Variants in REPS1 observed in about 807,000 individuals in gnomAD.
REPS1 encodes the protein ralBP1-associated Eps domain-containing protein 1.
REPS1 carries 39 observed loss-of-function variants against 100.9 expected under a neutral mutation model. That is an observed-to-expected ratio of 0.39 (90% confidence interval 0.30 to 0.50). The LOEUF is 0.50. Ranked by LOEUF, REPS1 falls within the 20% of genes least tolerant of loss-of-function variation. REPS1 has a pLI of 0.86. For synonymous variants in REPS1, 324 were observed against 340.3 expected, an observed-to-expected ratio of 0.95 and a Z score of 0.53; for missense variants, 821 against 968.5, an observed-to-expected ratio of 0.85 and a Z score of 2.02.
intron 19 of REPS1, among the ~76,000 whole-genome samples, chr6:138,905,588 G>T (rs1779594038): frequency 6.6e-6 from 1 of 152,152 alleles, no homozygotes; most frequent in South Asian, 2.1e-4. Flanking sequence ...ACCGCGCCCG[G>T]CTGAAATGTA....
intron 1 of REPS1, among the ~76,000 whole-genome samples, chr6:138,958,353 C>T (rs549502642): frequency 1.3e-4 from 20 of 152,236 alleles, no homozygotes; most frequent in Non-Finnish European, 2.8e-4. Context: ...TTTTTAAAAC[C>T]ATGAGCAGAA....
intron 9 of REPS1, chr6:138,926,719 G>T (rs1162442176): frequency 9.1e-6 from 4 of 437,680 alleles, no homozygotes; most frequent in Non-Finnish European, 1.7e-5. Flanking sequence ...AATCTCTATG[G>T]AAGAGATTTA....
chr6:138,921,709 C>T (rs146729541), intron 10 of REPS1, among the ~76,000 whole-genome samples: 4,206 of 151,114 alleles, frequency 0.028, 215 homozygotes, highest in African/African-American at 0.096. Flanking sequence ...TCCCAAGTAG[C>T]TGGGATTATA....
chr6:138,933,889 G>A (rs1225136135), intron 8 of REPS1, among the ~76,000 whole-genome samples: 2 of 151,844 alleles, frequency 1.3e-5, no homozygotes, highest in Non-Finnish European at 2.9e-5. Flanking sequence ...GCCTAAAGGG[G>A]TCTTAAGATT....
At chr6:138,938,228 T>C (rs976373967) in intron 8 of REPS1, among the ~76,000 whole-genome samples, 3 of 152,216 alleles carry the variant, frequency 2.0e-5, no homozygotes, top group Admixed American at 2.0e-4. Flanking sequence ...TTAGTAGTTC[T>C]ATTTTATCTA....
intron 1 of REPS1, among the ~76,000 whole-genome samples, chr6:138,959,185 G>A (rs1413728458): frequency 6.6e-6 from 1 of 152,132 alleles, no homozygotes; most frequent in Non-Finnish European, 1.5e-5. Context: ...AGCACATAGT[G>A]ACAGCAAAGA....
chr6:138,954,074 G>A (rs1783218447), intron 1 of REPS1, among the ~76,000 whole-genome samples: 1 of 151,866 alleles, frequency 6.6e-6, no homozygotes, highest in South Asian at 2.1e-4. Context: ...ATTGTGTTAG[G>A]TGAAATAAAA....
chr6:138,918,480 T>C (rs1780554459), intron 12 of REPS1, among the ~76,000 whole-genome samples: 2 of 152,174 alleles, frequency 1.3e-5, no homozygotes, highest in African/African-American at 4.8e-5. Flanking sequence ...ATAACTTACA[T>C]ATGTGCAGAA....
At chr6:138,936,569 G>A (rs1301796174) in intron 8 of REPS1, among the ~76,000 whole-genome samples, 8 of 133,424 alleles carry the variant, frequency 6.0e-5, no homozygotes, top group Non-Finnish European at 1.3e-4. Flanking sequence ...AATGACACAC[G>A]ACAGAGAGAG....
intron 10 of REPS1, among the ~76,000 whole-genome samples, chr6:138,923,549 C>T (rs7743478): frequency 0.15 from 22,574 of 152,166 alleles, 1,770 homozygotes; most frequent in African/African-American, 0.17. Flanking sequence ...CAAAGACTAA[C>T]GCATTACACT....
At position 138,921,104 on chromosome 6, in the gene REPS1, T is replaced by C; in HGVS notation, c.1359A>G (p.Pro453=). The C allele has an allele frequency of 6.2e-7, 1 of 1,609,936 alleles. No homozygotes were observed. The highest frequency in any genetic ancestry group is 1.1e-5 in the South Asian group (1 of 90,750). ...PADPDTAIVH[P]VPIRMTPSKI... is the part of the protein sequence containing the mutation. ...TGCTTGGAGTCATACGAATGGGAAC[T>C]GGATGAACAATAGCAGTATCCTAGA... The change falls in exon 11 of 20, where the codon CCA becomes CCG. Residue 453 remains proline, a synonymous_variant. Coordinates refer to ENST00000450536, the MANE Select transcript of REPS1 (RefSeq NM_001286611.2).
chr6:138,950,919 G>A (rs1362568504), intron 1 of REPS1: 3 of 152,140 alleles, frequency 2.0e-5, no homozygotes, highest in South Asian at 2.1e-4. Flanking sequence ...GGCCGGGCGC[G>A]GCAGCTCACG....
At chr6:138,958,113 C>T (rs1783514943) in intron 1 of REPS1, among the ~76,000 whole-genome samples, 1 of 152,138 alleles carries the variant, frequency 6.6e-6, no homozygotes, top group African/African-American at 2.4e-5. Flanking sequence ...TGAGGGAATA[C>T]AGAGAAGTAA....
rs1779529504 is a variant in REPS1 at position 138,904,828 on chromosome 6, A to G, written c.*236T>C. ...CATATCCCAGATGCTAGGGAACAGA[A>G]AAGGTGGGTGTGCCAACAAACACAA... is the stretch of plus-strand genomic sequence containing the variant. On this transcript the variant is annotated 3_prime_UTR_variant, in exon 20 of 20. Coordinates refer to ENST00000450536, the MANE Select transcript of REPS1 (RefSeq NM_001286611.2). The G allele has an allele frequency of 5.1e-6, 2 of 393,946 alleles. No individual in the cohort carries two copies. The highest frequency in any genetic ancestry group is 9.3e-6 in the Non-Finnish European group (2 of 215,616). The allele number at this position is 393,946 out of a possible 1,614,324, so 24.4% of individuals were successfully genotyped here. A position where few individuals can be genotyped will look rare whatever the true frequency, so the allele number is the denominator to read the frequency against.
chr6:138,954,037 A>T (rs182701433), intron 1 of REPS1, among the ~76,000 whole-genome samples: 1 of 152,306 alleles, frequency 6.6e-6, no homozygotes, highest in African/African-American at 2.4e-5. Context: ...CCTGTCATTC[A>T]TGGCAACATG....
chr6:138,973,840 T>C (rs1784462848), intron 1 of REPS1, among the ~76,000 whole-genome samples: 1 of 152,248 alleles, frequency 6.6e-6, no homozygotes, highest in East Asian at 1.9e-4. Flanking sequence ...TACTATCATT[T>C]GAATTGGCTG....
chr6:138,928,906 G>T lies in REPS1; in HGVS notation c.1257+1071C>A, dbSNP rs139313875. On this transcript the variant is annotated intron_variant, in intron 9 of 19. Transcript: ENST00000450536. ...TTAATGGTTTTGCATCCAATAGTAG[G>T]ATGGATGGTGTGATGTTATAATGTC... 372 of 152,246 alleles carry T rather than the reference G, an allele frequency of 2.4e-3. 1 individual carries two copies. The highest frequency in any genetic ancestry group is 8.5e-3 in the African/African-American group (352 of 41,554). The allele number at this position is 152,246 out of a possible 1,614,324, so 9.4% of individuals were successfully genotyped here.
In REPS1 at chr6:138,904,010, A is replaced by G. The variant is rs1213216728; in HGVS notation, c.*1054T>C. The G allele has an allele frequency of 1.3e-5, 2 of 152,212 alleles. No individual in the cohort carries two copies. The highest frequency in any genetic ancestry group is 4.1e-4 in the South Asian group (2 of 4,834). 9.4% of individuals were successfully genotyped at this position (152,212 alleles called of 1,614,324 possible). A position where few individuals can be genotyped will look rare whatever the true frequency, so the allele number is the denominator to read the frequency against. On this transcript the variant is annotated 3_prime_UTR_variant, in exon 20 of 20. Coordinates refer to ENST00000450536, the MANE Select transcript of REPS1 (RefSeq NM_001286611.2). ...TTTAAATCTTGTTAAAAAGATGAAC[A>G]AAAGTTAAAATATTATGCTGTTTTA...
At chr6:138,925,382 AAAAC>A (rs1331366435) in intron 10 of REPS1, among the ~76,000 whole-genome samples, 2 of 152,140 alleles carry the variant, frequency 1.3e-5, no homozygotes, top group Non-Finnish European at 2.9e-5. Flanking sequence ...ACAAAAACAA[AAAAC>A]AAACCACATC....
Sources: gnomAD v4.1 joint callset for allele counts (sites outside exome capture counted in the v4.1 genomes callset) on GRCh38, gnomAD v4.1.1 for gene constraint, MANE v1.5 for transcripts, NCBI Gene and HGNC (gene_info 2026-07-23, HGNC 2026-07-21) for gene names.